PLXNA4: variants seen among roughly 807,000 people sequenced by gnomAD.
PLXNA4 encodes plexin-A4.
A neutral mutation model predicts 191.8 loss-of-function variants in PLXNA4; 44 were observed. The observed-to-expected ratio is 0.23, with a 90% CI of 0.18 to 0.29. PLXNA4 has a LOEUF of 0.29. Ranked by LOEUF, PLXNA4 falls within the 10% of genes least tolerant of loss-of-function variation. The pLI, the probability that PLXNA4 is intolerant of heterozygous loss-of-function variation, is 1.00. For missense variants in PLXNA4, 1,800 were observed against 2,488.8 expected, an observed-to-expected ratio of 0.72 and a Z score of 5.89; for synonymous variants, 1,082 against 1,009.5, an observed-to-expected ratio of 1.07 and a Z score of -1.36.
intron 3 of PLXNA4, among the ~76,000 whole-genome samples, chr7:132,322,198 TTTTTAACA>T (rs1223715393): frequency 6.6e-6 from 1 of 150,728 alleles, no homozygotes; most frequent in Non-Finnish European, 1.5e-5. Context: ...TTTTTTTTTT[TTTTTAACA>T]GAGTCTCACT....
chr7:132,181,296 T>G, intron 18 of PLXNA4, 85 bp downstream of exon 18: 1 of 1,578,194 alleles, frequency 6.3e-7, no homozygotes, highest in South Asian at 1.2e-5. Flanking sequence ...TTGAGAAATG[T>G]GGCAGGAGTC....
Position 132,302,670 on chromosome 7 carries a change from A to G in PLXNA4, c.1372-4448T>C, listed in dbSNP as rs147050183. ...AGTTCACCTGAACATACGAGATCACATTCAGTTCACCGCTCATAAGGTAGG... is the reference window on the plus strand; with the variant it reads ...AGTTCACCTGAACATACGAGATCACGTTCAGTTCACCGCTCATAAGGTAGG... On this transcript the variant is annotated intron_variant, in intron 3 of 31. Transcript: ENST00000321063. 2.8e-3 allele frequency among the ~76,000 whole-genome samples: 417 copies of G among 151,292 alleles called. 1 individual carries two copies. The highest frequency in any genetic ancestry group is 9.6e-3 in the African/African-American group (396 of 41,230).
At position 132,202,832 on chromosome 7, in the gene PLXNA4, G is replaced by A. The variant is rs970275454; in HGVS notation, c.2400C>T (p.His800=). Residue 800 remains histidine (H), a synonymous_variant, in exon 12 of 32, where the codon CAC becomes CAT. Transcript: ENST00000321063. ...CACGCATGGCTCCACACTTGTAGAG[G>A]TGAACTGCAGAGGGGAAGGGCAAGG... ...NIDNPAQNKV[H]LYKCGAMRES... 1.3e-6 allele frequency: 2 copies of A among 1,575,340 alleles called. No individual in the cohort carries two copies. Among genetic ancestry groups the A allele is most frequent in the African/African-American group, 1.3e-5 (1 of 74,220 alleles).
At chr7:132,145,583 A>C (rs529986156) in intron 28 of PLXNA4, 71 of 388,176 alleles carry the variant, frequency 1.8e-4, no homozygotes, top group African/African-American at 1.1e-3. Context: ...TTATTTTAGC[A>C]CTTTTCACAA....
intron 3 of PLXNA4, among the ~76,000 whole-genome samples, chr7:132,352,654 C>T (rs940558013): frequency 2.0e-5 from 3 of 152,276 alleles, no homozygotes; most frequent in African/African-American, 4.8e-5. Context: ...GAACACTCTC[C>T]GGGCTGGTGG....
chr7:132,635,560 A>G (rs1385553981), intron 2 of PLXNA4, among the ~76,000 whole-genome samples: 2 of 152,138 alleles, frequency 1.3e-5, no homozygotes, highest in African/African-American at 4.8e-5. Context: ...GTGAGCTGAC[A>G]TTGCTAAGAG....
At chr7:132,543,404 T>G (rs1349282439) in intron 1 of PLXNA4, among the ~76,000 whole-genome samples, 2 of 152,226 alleles carry the variant, frequency 1.3e-5, no homozygotes, top group Non-Finnish European at 2.9e-5. Flanking sequence ...CTAATCCCTC[T>G]GATTAGTTAA....
chr7:132,132,118 T>G (rs1563047602), intron 31 of PLXNA4, among the ~76,000 whole-genome samples: 3 of 152,214 alleles, frequency 2.0e-5, no homozygotes, highest in Non-Finnish European at 4.4e-5. Flanking sequence ...GAGAGCTGAC[T>G]AGAAGCCCAG....
At chr7:132,252,954 G>T (rs552612081) in intron 4 of PLXNA4, among the ~76,000 whole-genome samples, 2 of 152,226 alleles carry the variant, frequency 1.3e-5, no homozygotes, top group African/African-American at 4.8e-5. Flanking sequence ...TATAAAAAGG[G>T]TATATTAAGA....
At chr7:132,500,098 A>G (rs1372226370) in intron 2 of PLXNA4, among the ~76,000 whole-genome samples, 2 of 152,206 alleles carry the variant, frequency 1.3e-5, no homozygotes, top group Admixed American at 1.3e-4. Flanking sequence ...ACTAAGGGAC[A>G]TGTGAAGGTA....
intron 4 of PLXNA4, among the ~76,000 whole-genome samples, chr7:132,259,147 G>A (rs1324388172): frequency 6.6e-6 from 1 of 152,122 alleles, no homozygotes; most frequent in East Asian, 1.9e-4. Flanking sequence ...TCAGGGTTTA[G>A]AGTTCTTAGG....
intron 13 of PLXNA4, among the ~76,000 whole-genome samples, chr7:132,194,645 G>T (rs1237394562): frequency 6.6e-6 from 1 of 152,188 alleles, no homozygotes; most frequent in Non-Finnish European, 1.5e-5. Flanking sequence ...GGTTGCCTCA[G>T]TGAAGTGCTT....
intron 3 of PLXNA4, among the ~76,000 whole-genome samples, chr7:132,436,010 C>G (rs1022824929): frequency 6.6e-5 from 10 of 152,216 alleles, no homozygotes; most frequent in Admixed American, 2.0e-4. Flanking sequence ...CCGAACCCTG[C>G]TCCTCACAGA....
At chr7:132,204,987 G>A (rs1487506324) in intron 10 of PLXNA4, among the ~76,000 whole-genome samples, 2 of 152,236 alleles carry the variant, frequency 1.3e-5, no homozygotes, top group African/African-American at 2.4e-5. Context: ...AGCTAGGTTC[G>A]GTGTTTGTCC....
At chr7:132,433,641 T>C (rs1203433847) in intron 3 of PLXNA4, among the ~76,000 whole-genome samples, 1 of 152,142 alleles carries the variant, frequency 6.6e-6, no homozygotes, top group East Asian at 1.9e-4. Flanking sequence ...ATCTTATCTT[T>C]TATCATTTCC....
At position 132,211,102 on chromosome 7, in the gene PLXNA4, G is replaced by T. The variant is rs369845177; in HGVS notation, c.2139C>A (p.Pro713=). ...QLLRVDKILV[P]VEVIKPITLK... ...GCGTGATAGGCTTGATCACCTCCAC[G>T]GGCACCAGGATCTTGTCCACTCGCA... The change falls in exon 10 of 32, where the codon CCC becomes CCA. Residue 713 remains proline, a synonymous_variant. Coordinates refer to ENST00000321063, the MANE Select transcript of PLXNA4 (RefSeq NM_020911.2). 84 of 1,580,242 alleles carry T rather than the reference G, an allele frequency of 5.3e-5. No homozygotes were observed. In the African/African-American group the frequency reaches 9.8e-4, roughly 19 times the overall value.
At chr7:132,492,310 C>T (rs1387319101) in intron 2 of PLXNA4, among the ~76,000 whole-genome samples, 17 of 152,164 alleles carry the variant, frequency 1.1e-4, no homozygotes, top group Non-Finnish European at 1.6e-4. Flanking sequence ...TTACTGAATA[C>T]GATTCTTCCC....
intron 9 of PLXNA4, among the ~76,000 whole-genome samples, chr7:132,217,313 G>A (rs1015993605): frequency 6.6e-6 from 1 of 152,212 alleles, no homozygotes; most frequent in African/African-American, 2.4e-5. Flanking sequence ...AATTGAACAA[G>A]GACATAAAGA....
chr7:132,260,688 AG>A (rs75190714), intron 4 of PLXNA4, among the ~76,000 whole-genome samples: 245 of 150,804 alleles, frequency 1.6e-3, no homozygotes, highest in African/African-American at 4.3e-3. Context: ...AAAAAAAAAA[AG>A]GATCTGTGGT....
Sources: gnomAD v4.1 joint callset for allele counts (sites outside exome capture counted in the v4.1 genomes callset) on GRCh38, gnomAD v4.1.1 for gene constraint, MANE v1.5 for transcripts, NCBI Gene and HGNC (gene_info 2026-07-23, HGNC 2026-07-21) for gene names.